DDX52: variants seen among roughly 807,000 people sequenced by gnomAD.
DDX52 encodes the protein DExD-box helicase 52.
Under a neutral mutation model 76.1 loss-of-function variants are expected in DDX52, and 59 were observed. The ratio of observed to expected loss-of-function variants is 0.78; its 90% CI spans 0.63 to 0.96. The LOEUF is 0.96. Among genes scored for constraint, DDX52 ranks in the 40% least tolerant of loss-of-function variants. DDX52 has a pLI of 0.00. For missense variants in DDX52, 707 were observed against 703.9 expected (o/e 1.00, Z -0.05); for synonymous variants, 231 against 244.1 (o/e 0.95, Z 0.50).
At position 37,626,070 on chromosome 17, in the gene DDX52, C is replaced by T; in HGVS notation, c.961G>A (p.Asp321Asn). 4 of 1,614,138 alleles carry T rather than the reference C, an allele frequency of 2.5e-6. No individual in the cohort carries two copies. Among genetic ancestry groups the T allele is most frequent in the Non-Finnish European group, 2.5e-6 (3 of 1,180,020 alleles). ...GTTTTGCCATCTTCAAACAGTTTAT[C>T]TGATTCGTCTACTACAAGCCACTCA... ...SVEWLVVDES[D>N]KLFEDGKTGF... Residue 321 changes from aspartate (D) to asparagine (N), a missense_variant, in exon 8 of 15, where the codon GAT becomes AAT. Transcript: ENST00000617633.
At chr17:37,632,920 C>G (rs2030748754) in intron 3 of DDX52, among the ~76,000 whole-genome samples, 1 of 152,242 alleles carries the variant, frequency 6.6e-6, no homozygotes, top group Non-Finnish European at 1.5e-5. Context: ...ACCCTCTAAT[C>G]TGTGTCAGAG....
intron 13 of DDX52, among the ~76,000 whole-genome samples, chr17:37,618,892 A>C (rs539960448): frequency 6.6e-6 from 1 of 152,348 alleles, no homozygotes; most frequent in South Asian, 2.1e-4. Context: ...AAGGGATGAT[A>C]AATTCAATCA....
chr17:37,632,364 A>G (rs767299834), intron 3 of DDX52, 66 bp from the exon 4 acceptor site: 1 of 1,568,628 alleles, frequency 6.4e-7, no homozygotes, highest in African/African-American at 1.4e-5. Context: ...GATGTTATAA[A>G]GCAACATTAA....
chr17:37,615,898 C>T lies in DDX52; in HGVS notation c.1743-1545G>A, dbSNP rs1027616939. On this transcript the variant is annotated intron_variant, in intron 14 of 14. Transcript: ENST00000617633. ...GCATGGTGGTGTGTGCCTGTAATCC[C>T]AGCTACTCAAGAGGCTGAGGCAGGA... Among the ~76,000 whole-genome samples, 6 of 151,534 alleles carry T rather than the reference C, an allele frequency of 4.0e-5. No individual in the cohort carries two copies. The East Asian group carries it at 1.2e-3, about 29-fold the overall frequency.
At chr17:37,616,577 C>T (rs2064428711) in intron 14 of DDX52, among the ~76,000 whole-genome samples, 1 of 151,720 alleles carries the variant, frequency 6.6e-6, no homozygotes, top group Non-Finnish European at 1.5e-5. Context: ...ATCACTTGAA[C>T]CTGGGAGGTG....
chr17:37,621,622 T>C, intron 9 of DDX52, 102 bp from the exon 10 acceptor site: 1 of 1,435,098 alleles, frequency 7.0e-7, no homozygotes, highest in Admixed American at 2.7e-5. Flanking sequence ...TTCAATTTAG[T>C]GTACTTTCTT....
chr17:37,635,637 T>C (rs1170650618), intron 2 of DDX52: 1 of 455,940 alleles, frequency 2.2e-6, no homozygotes, highest in Non-Finnish European at 4.4e-6. Context: ...TTTCCAGCTT[T>C]TGGCTATAAG....
At position 37,612,255 on chromosome 17, in the gene DDX52, T is replaced by C. The variant is rs1483836489; in HGVS notation, c.*2041A>G. 2.0e-5 allele frequency: 3 copies of C among 152,018 alleles called. No homozygotes were observed. Among genetic ancestry groups the C allele is most frequent in the Non-Finnish European group, 4.4e-5 (3 of 68,026 alleles). 9.4% of individuals were successfully genotyped at this position (152,018 alleles called of 1,614,324 possible). A position where few individuals can be genotyped will look rare whatever the true frequency, so the allele number is the denominator to read the frequency against. On this transcript the variant is annotated 3_prime_UTR_variant, in exon 15 of 15. Transcript: ENST00000617633. ...GGCTAACTTTTTTTGGTATTTTTTT[T>C]AGTAGAGATGGGGTTTTGCCATGTT...
chr17:37,636,578 A>G (rs141911964), intron 2 of DDX52, among the ~76,000 whole-genome samples: 18 of 152,352 alleles, frequency 1.2e-4, no homozygotes, highest in African/African-American at 4.3e-4. Flanking sequence ...ACTAAGAAGG[A>G]TAAGACAGCA....
At chr17:37,634,253 G>A (rs2030824061) in intron 2 of DDX52, among the ~76,000 whole-genome samples, 1 of 151,670 alleles carries the variant, frequency 6.6e-6, no homozygotes, top group Non-Finnish European at 1.5e-5. Context: ...CCAGCCAAAT[G>A]AGAAATTTCA....
intron 12 of DDX52, 187 bp from the exon 13 acceptor site, chr17:37,620,026 G>GA: frequency 1.9e-6 from 1 of 528,846 alleles, no homozygotes; most frequent in Non-Finnish European, 3.4e-6. Flanking sequence ...CCACTGGGCT[G>GA]AAATTAATGC....
chr17:37,617,559 T>C (rs2029876232), intron 14 of DDX52, among the ~76,000 whole-genome samples: 1 of 152,188 alleles, frequency 6.6e-6, no homozygotes, highest in South Asian at 2.1e-4. Flanking sequence ...TAGCACAAAT[T>C]TACCTAAGTA....
chr17:37,641,099 A>G (rs1446190406), intron 2 of DDX52, among the ~76,000 whole-genome samples: 1 of 152,196 alleles, frequency 6.6e-6, no homozygotes, highest in Non-Finnish European at 1.5e-5. Context: ...ATACAAAAAT[A>G]TGCTTGACCA....
rs922597428 is a variant in DDX52 at position 37,612,348 on chromosome 17, A to T, written c.*1948T>A. ...CGCCTAGGCCTCCCGAAGTGTTAGGATTACAGGCATGAGCCACTACGCCTG... is the reference window on the plus strand; with the variant it reads ...CGCCTAGGCCTCCCGAAGTGTTAGGTTTACAGGCATGAGCCACTACGCCTG... On this transcript the variant is annotated 3_prime_UTR_variant, in exon 15 of 15. Transcript: ENST00000617633. 4 of 152,154 alleles carry T rather than the reference A, an allele frequency of 2.6e-5. No homozygotes were observed. Among genetic ancestry groups the T allele is most frequent in the Non-Finnish European group, 5.9e-5 (4 of 68,048 alleles). The allele number at this position is 152,154 out of a possible 1,614,324, so 9.4% of individuals were successfully genotyped here.
At chr17:37,638,458 A>C (rs1166749626) in intron 2 of DDX52, among the ~76,000 whole-genome samples, 1 of 152,230 alleles carries the variant, frequency 6.6e-6, no homozygotes, top group Admixed American at 6.5e-5. Flanking sequence ...ACAAATACAG[A>C]AACAGAATAG....
At chr17:37,625,809 C>T in intron 8 of DDX52, 86 bp downstream of exon 8, 1 of 1,474,132 alleles carries the variant, frequency 6.8e-7, no homozygotes, top group East Asian at 2.4e-5. Flanking sequence ...AGTCTCAGGC[C>T]AAGAAACCTA....
intron 4 of DDX52, chr17:37,630,832 G>C (rs7219057): frequency 0.21 from 32,578 of 152,080 alleles, 3,695 homozygotes; most frequent in Middle Eastern, 0.31. Context: ...AGTAGAGACA[G>C]GGTTTCACCA....
rs551926472 is a variant in DDX52, at chr17:37,643,385, C to A, written c.36G>T (p.Ala12=). ...DVHDLFRRLG[A]GAKFDTRRFS... ...AGCGTCTCGTGTCGAATTTGGCCCC[C>A]GCGCCGAGCCGGCGAAAGAGATCGT... The change falls in exon 1 of 15, where the codon GCG becomes GCT. Residue 12 remains alanine, a synonymous_variant. Coordinates refer to ENST00000617633, the MANE Select transcript of DDX52 (RefSeq NM_007010.5). 4.3e-5 allele frequency: 69 copies of A among 1,613,892 alleles called. No homozygotes were observed. The highest frequency in any genetic ancestry group is 2.6e-4 in the South Asian group (24 of 91,078).
chr17:37,636,848 G>A (rs540268272), intron 2 of DDX52, among the ~76,000 whole-genome samples: 2 of 152,328 alleles, frequency 1.3e-5, no homozygotes, highest in South Asian at 4.1e-4. Context: ...CCTAATTGAA[G>A]AGGACTGTTG....
Sources: gnomAD v4.1 joint callset for allele counts (sites outside exome capture counted in the v4.1 genomes callset) on GRCh38, gnomAD v4.1.1 for gene constraint, MANE v1.5 for transcripts, NCBI Gene and HGNC (gene_info 2026-07-23, HGNC 2026-07-21) for gene names.